Variants in CHIC1 observed in about 807,000 individuals in gnomAD.
CHIC1 encodes cysteine-rich hydrophobic domain-containing protein 1.
Under a neutral mutation model 18.5 loss-of-function variants are expected in CHIC1, and 7 were observed. The observed-to-expected ratio is 0.38, with a 90% CI of 0.22 to 0.71. CHIC1 has a LOEUF of 0.71. CHIC1 is among the 30% of genes least tolerant of loss of function. CHIC1 has a pLI of 0.49. For missense variants in CHIC1, 159 were observed against 176.9 expected, an observed-to-expected ratio of 0.90 and a Z score of 0.57; for synonymous variants, 77 against 73.5, an observed-to-expected ratio of 1.05 and a Z score of -0.25.
chrX:73,671,701 T>C (rs1380660759), intron 3 of CHIC1, among the ~76,000 whole-genome samples: 1 of 111,145 alleles, frequency 9.0e-6, no homozygotes, highest in African/African-American at 3.3e-5. Flanking sequence ...TTTGTTATCT[T>C]ATATCTCAGT....
At chrX:73,571,431 CTAAA>C (rs2057470314) in intron 1 of CHIC1, among the ~76,000 whole-genome samples, 1 of 111,389 alleles carries the variant, frequency 9.0e-6, no homozygotes, top group African/African-American at 3.2e-5. Flanking sequence ...ACTTCACTAG[CTAAA>C]TAGATTTAAA....
chrX:73,655,565 TA>T, intron 3 of CHIC1, among the ~76,000 whole-genome samples: 1 of 90,590 alleles, frequency 1.1e-5, no homozygotes, highest in Admixed American at 1.3e-4. Flanking sequence ...TGTGTATATA[TA>T]GTGTGTGCAT....
chrX:73,594,950 A>C (rs1179922970), intron 3 of CHIC1, among the ~76,000 whole-genome samples: 1 of 111,894 alleles, frequency 8.9e-6, no homozygotes, highest in Non-Finnish European at 1.9e-5. Context: ...TTATGGCTTA[A>C]TAGCATTCTA....
At chrX:73,594,142 C>CTTTGT (rs199752892) in intron 3 of CHIC1, among the ~76,000 whole-genome samples, 15,792 of 101,427 alleles carry the variant, frequency 0.16, 1,234 homozygotes, top group East Asian at 0.21. Flanking sequence ...AGGTGCTTTC[C>CTTTGT]TTTGTTTTGT....
intron 1 of CHIC1, among the ~76,000 whole-genome samples, chrX:73,567,292 T>TA (rs762906835): frequency 9.1e-6 from 1 of 110,268 alleles, no homozygotes; most frequent in South Asian, 3.9e-4. Flanking sequence ...ACTGTTATCT[T>TA]AAATTTGACA....
chrX:73,679,899 A>C (rs2058089340), intron 5 of CHIC1, among the ~76,000 whole-genome samples, 186 bp downstream of exon 5: 1 of 111,701 alleles, frequency 9.0e-6, no homozygotes, highest in South Asian at 3.7e-4. Context: ...GAAAGCTAAC[A>C]ATCATTTGGA....
chrX:73,575,750 G>T (rs1005637175), intron 1 of CHIC1, among the ~76,000 whole-genome samples: 2 of 109,764 alleles, frequency 1.8e-5, no homozygotes, highest in Non-Finnish European at 3.9e-5. Context: ...TACTACTGTA[G>T]AATTTGTAAA....
At chrX:73,571,926 A>G (rs1371147959) in intron 1 of CHIC1, among the ~76,000 whole-genome samples, 1 of 110,824 alleles carries the variant, frequency 9.0e-6, no homozygotes, top group Non-Finnish European at 1.9e-5. Context: ...TGATACAAGG[A>G]CAGTATGAAA....
chrX:73,652,924 G>A (rs897511498), intron 3 of CHIC1, among the ~76,000 whole-genome samples: 1 of 111,654 alleles, frequency 9.0e-6, no homozygotes, highest in Non-Finnish European at 1.9e-5. Flanking sequence ...AAAGATACAT[G>A]CACACATATG....
intron 3 of CHIC1, among the ~76,000 whole-genome samples, chrX:73,592,129 A>G (rs12011707): frequency 0.21 from 23,476 of 110,350 alleles, 2,385 homozygotes; most frequent in African/African-American, 0.38. Context: ...TCTAGGTATA[A>G]AATAATACCA....
chrX:73,601,953 A>G (rs915668836), intron 3 of CHIC1, among the ~76,000 whole-genome samples: 2 of 104,860 alleles, frequency 1.9e-5, no homozygotes, highest in South Asian at 8.5e-4. Context: ...AATAAACTAG[A>G]AAATCTCGAA....
At chrX:73,630,419 T>A (rs1488502967) in intron 3 of CHIC1, among the ~76,000 whole-genome samples, 1 of 111,377 alleles carries the variant, frequency 9.0e-6, no homozygotes, top group African/African-American at 3.3e-5. Flanking sequence ...TATATTTTTA[T>A]TTACCTATAT....
At chrX:73,619,303 G>A (rs2057748142) in intron 3 of CHIC1, among the ~76,000 whole-genome samples, 1 of 111,007 alleles carries the variant, frequency 9.0e-6, no homozygotes, top group Non-Finnish European at 1.9e-5. Context: ...AGTGGGAGCC[G>A]CAATTTAGTC....
chrX:73,655,632 A>T (rs865850542), intron 3 of CHIC1, among the ~76,000 whole-genome samples: 5 of 17,941 alleles, frequency 2.8e-4, no homozygotes, highest in South Asian at 6.7e-3. Context: ...ATATATATAT[A>T]GTGTGTGTGT....
At chrX:73,579,362 C>T (rs1179021842) in intron 2 of CHIC1, among the ~76,000 whole-genome samples, 1 of 110,557 alleles carries the variant, frequency 9.0e-6, no homozygotes, top group East Asian at 2.8e-4. Context: ...TACTTATTAG[C>T]TTCCCAATGT....
chrX:73,563,663 T>G (rs2057430240), intron 1 of CHIC1, 83 bp downstream of exon 1: 1 of 922,974 alleles, frequency 1.1e-6, no homozygotes, highest in African/African-American at 2.1e-5. Flanking sequence ...GCCTGTGGAG[T>G]GGGGGAGGGT....
In CHIC1 at chrX:73,673,197, G is replaced by C. The variant is rs865848403; in HGVS notation, c.508-6129G>C. Among the ~76,000 whole-genome samples, 10 of 111,722 alleles carry C rather than the reference G, an allele frequency of 9.0e-5. No individual in the cohort carries two copies. The South Asian group carries it at 3.8e-3, about 42-fold the overall frequency. Reference sequence around the variant, plus strand: ...CAGGTAGCATGATGCCTCCAGCTTTGTTCTTTTGGCTTAGGATTGACTTGG... The same window carrying C: ...CAGGTAGCATGATGCCTCCAGCTTTCTTCTTTTGGCTTAGGATTGACTTGG... On this transcript the variant is annotated intron_variant, in intron 3 of 5. Coordinates refer to ENST00000373502, the MANE Select transcript of CHIC1 (RefSeq NM_001039840.4).
chrX:73,647,335 C>T (rs1252419715), intron 3 of CHIC1, among the ~76,000 whole-genome samples: 2 of 111,767 alleles, frequency 1.8e-5, no homozygotes, highest in African/African-American at 3.3e-5. Flanking sequence ...CTAGAACTCC[C>T]CTGCTGAGTT....
chrX:73,563,851 G>A (rs1395708947), intron 1 of CHIC1, among the ~76,000 whole-genome samples: 3 of 110,912 alleles, frequency 2.7e-5, no homozygotes, highest in Non-Finnish European at 5.7e-5. Flanking sequence ...TTGGAGTAGG[G>A]GTGAGTCTCC....
Sources: allele counts gnomAD v4.1 joint callset (sites outside exome capture counted in the v4.1 genomes callset), GRCh38; gene constraint gnomAD v4.1.1; transcripts MANE v1.5; gene names NCBI Gene and HGNC (gene_info 2026-07-23, HGNC 2026-07-21).